Variants in SKAP2 observed in about 807,000 individuals in gnomAD.
The protein encoded by SKAP2 is src kinase associated phosphoprotein 2.
SKAP2 carries 28 observed loss-of-function variants against 54.9 expected under a neutral mutation model. The ratio of observed to expected loss-of-function variants is 0.51; its 90% CI spans 0.38 to 0.70. SKAP2 has a LOEUF of 0.70. SKAP2 is among the 30% of genes least tolerant of loss of function. The pLI is 0.00. For missense variants in SKAP2, 356 were observed against 424.1 expected (o/e 0.84, Z 1.41); for synonymous variants, 137 against 134.3 (o/e 1.02, Z -0.14).
At chr7:26,730,029 A>T (rs963099643) in intron 6 of SKAP2, among the ~76,000 whole-genome samples, 1 of 152,108 alleles carries the variant, frequency 6.6e-6, no homozygotes, top group African/African-American at 2.4e-5. Context: ...GAACAGAGGA[A>T]ACTCACAACT....
intron 9 of SKAP2, among the ~76,000 whole-genome samples, chr7:26,706,468 A>G (rs1028224482): frequency 2.0e-5 from 3 of 152,322 alleles, no homozygotes; most frequent in Admixed American, 2.0e-4. Flanking sequence ...ATCCTACTGC[A>G]GCAGATTCAA....
intron 1 of SKAP2, among the ~76,000 whole-genome samples, chr7:26,861,558 T>C (rs1305541033): frequency 6.7e-6 from 1 of 150,198 alleles, no homozygotes; most frequent in Non-Finnish European, 1.5e-5. Context: ...TCAAACTAGA[T>C]AGCCACTTTT....
At chr7:26,687,438 ATTTG>A (rs1786672271) in intron 10 of SKAP2, among the ~76,000 whole-genome samples, 1 of 151,942 alleles carries the variant, frequency 6.6e-6, no homozygotes, top group African/African-American at 2.4e-5. Flanking sequence ...TTAAAGAATA[ATTTG>A]TTTATGTCAC....
intron 11 of SKAP2, among the ~76,000 whole-genome samples, chr7:26,679,075 G>A (rs1044930648): frequency 6.6e-6 from 1 of 152,174 alleles, no homozygotes; most frequent in Non-Finnish European, 1.5e-5. Context: ...TCATGCTGAA[G>A]TAAATCACAT....
intron 9 of SKAP2, among the ~76,000 whole-genome samples, chr7:26,723,906 C>A (rs1259607265): frequency 6.6e-6 from 1 of 151,972 alleles, no homozygotes; most frequent in Non-Finnish European, 1.5e-5. Flanking sequence ...TTTTTAAATA[C>A]TAAAATAATT....
At chr7:26,818,149 A>C (rs539382090) in intron 4 of SKAP2, among the ~76,000 whole-genome samples, 6 of 152,202 alleles carry the variant, frequency 3.9e-5, no homozygotes, top group Non-Finnish European at 7.4e-5. Flanking sequence ...AAGCAAAAAG[A>C]ACAAACCTGG....
intron 6 of SKAP2, among the ~76,000 whole-genome samples, chr7:26,738,487 T>C (rs1407976619): frequency 3.3e-5 from 5 of 152,218 alleles, no homozygotes; most frequent in Non-Finnish European, 7.3e-5. Context: ...GTTCTTAACT[T>C]TTCCAGAAAT....
intron 4 of SKAP2, among the ~76,000 whole-genome samples, chr7:26,775,502 T>C (rs1219476816): frequency 6.7e-6 from 1 of 150,184 alleles, no homozygotes; most frequent in Non-Finnish European, 1.5e-5. Flanking sequence ...TTCACCAATA[T>C]TATTTAGATT....
intron 3 of SKAP2, among the ~76,000 whole-genome samples, chr7:26,853,409 C>T (rs1430429445): frequency 6.6e-6 from 1 of 152,068 alleles, no homozygotes; most frequent in East Asian, 1.9e-4. Flanking sequence ...AAGGGCCACA[C>T]CCAGTTTCCC....
intron 4 of SKAP2, among the ~76,000 whole-genome samples, chr7:26,812,270 C>T (rs561828980): frequency 7.1e-4 from 108 of 152,224 alleles, no homozygotes; most frequent in African/African-American, 2.6e-3. Context: ...CTGATATATC[C>T]TAAGGTCCTT....
intron 9 of SKAP2, among the ~76,000 whole-genome samples, chr7:26,706,802 T>C (rs1469893358): frequency 6.6e-6 from 1 of 152,226 alleles, no homozygotes; most frequent in Non-Finnish European, 1.5e-5. Context: ...ATTTTAAAGA[T>C]ATATTCTAAA....
At chr7:26,656,908 C>A in the SKAP2 span, among the ~76,000 whole-genome samples, 1 of 152,016 alleles carries the variant, frequency 6.6e-6, no homozygotes, top group African/African-American at 2.4e-5. Context: ...ATGAACCCCA[C>A]GGCTGCCCGA....
intron 4 of SKAP2, among the ~76,000 whole-genome samples, chr7:26,748,904 C>A (rs1782617908): frequency 6.6e-6 from 1 of 152,120 alleles, no homozygotes; most frequent in Non-Finnish European, 1.5e-5. Context: ...AGCTCTGTGA[C>A]TTAGCAAGTC....
chr7:26,745,857 T>G (rs2127964209), intron 4 of SKAP2, among the ~76,000 whole-genome samples: 1 of 152,332 alleles, frequency 6.6e-6, no homozygotes, highest in East Asian at 1.9e-4. Flanking sequence ...CACTTAATGA[T>G]TGCTTTATAT....
At chr7:26,841,749 C>A (rs1784821404) in intron 4 of SKAP2, among the ~76,000 whole-genome samples, 1 of 151,848 alleles carries the variant, frequency 6.6e-6, no homozygotes, top group Non-Finnish European at 1.5e-5. Flanking sequence ...CTTTTCAGTA[C>A]CTTGAAAATT....
intron 6 of SKAP2, 26 bp downstream of exon 6, chr7:26,738,769 T>C (rs764721533): frequency 4.4e-6 from 6 of 1,360,526 alleles, no homozygotes; most frequent in Non-Finnish European, 5.3e-6. Flanking sequence ...GCAATAGTAG[T>C]TGATATAATT....
chr7:26,808,562 T>C (rs564872486), intron 4 of SKAP2, among the ~76,000 whole-genome samples: 2 of 152,264 alleles, frequency 1.3e-5, no homozygotes, highest in East Asian at 1.9e-4. Context: ...TTACTCAACA[T>C]TGTGAATATA....
intron 1 of SKAP2, among the ~76,000 whole-genome samples, chr7:26,864,007 C>T (rs1415426178): frequency 6.6e-6 from 1 of 151,092 alleles, no homozygotes; most frequent in Non-Finnish European, 1.5e-5. Context: ...CATTCATTAT[C>T]ATTATCATTC....
intron 4 of SKAP2, among the ~76,000 whole-genome samples, chr7:26,763,230 C>A (rs1397330736): frequency 6.6e-6 from 1 of 151,712 alleles, no homozygotes. Context: ...AGATTTTCCA[C>A]ATAAGAAAAT....
Sources: allele counts gnomAD v4.1 joint callset (sites outside exome capture counted in the v4.1 genomes callset), GRCh38; gene constraint gnomAD v4.1.1; transcripts MANE v1.5; gene names NCBI Gene and HGNC (gene_info 2026-07-23, HGNC 2026-07-21).